Variants in WTIP observed in about 807,000 individuals in gnomAD.
The protein encoded by WTIP is Wilms tumor protein 1-interacting protein.
Under a neutral mutation model 41.7 loss-of-function variants are expected in WTIP, and 23 were observed. That is an observed-to-expected ratio of 0.55 (90% CI 0.40 to 0.78). WTIP has a LOEUF of 0.78. Among genes scored for constraint, WTIP ranks in the 30% least tolerant of loss-of-function variants. The pLI, the probability that WTIP is intolerant of heterozygous loss-of-function variation, is 0.00. For missense variants in WTIP, 619 were observed against 610.5 expected, an observed-to-expected ratio of 1.01 and a Z score of -0.15; for synonymous variants, 314 against 269.9, an observed-to-expected ratio of 1.16 and a Z score of -1.60.
rs1381754568 is a variant in WTIP, at chr19:34,510,642, A to T, written c.*10373A>T. The T allele has an allele frequency of 2.0e-5, 3 of 152,196 alleles. No homozygotes were observed. The highest frequency in any genetic ancestry group is 7.2e-5 in the African/African-American group (3 of 41,446). 9.4% of individuals were successfully genotyped at this position (152,196 alleles called of 1,614,324 possible). A position where few individuals can be genotyped will look rare whatever the true frequency, so the allele number is the denominator to read the frequency against. On this transcript the variant is annotated 3_prime_UTR_variant, in exon 8 of 8. Transcript: ENST00000590071. ...AAAAAAATGGGTGTTTCTTTACTGC[A>T]TCGTCAGGCTGCAAATTTTCCAATT... is the stretch of plus-strand genomic sequence containing the variant.
intron 6 of WTIP, 25 bp downstream of exon 6, chr19:34,494,662 A>T (rs751303380): frequency 1.1e-5 from 18 of 1,610,290 alleles, no homozygotes; most frequent in Middle Eastern, 1.7e-4. Context: ...CCCAGAGATG[A>T]TCAGGTGCCT....
chr19:34,485,060 T>C (rs1016330250), intron 1 of WTIP, among the ~76,000 whole-genome samples: 4 of 151,956 alleles, frequency 2.6e-5, no homozygotes, highest in Non-Finnish European at 5.9e-5. Context: ...GATTCAGTAA[T>C]ACTTTCCTGA....
chr19:34,504,407 G>T lies in WTIP; in HGVS notation c.*4138G>T, dbSNP rs1341146162. 5.3e-5 allele frequency: 8 copies of T among 151,600 alleles called. No individual in the cohort carries two copies. Among genetic ancestry groups the T allele is most frequent in the Non-Finnish European group, 2.9e-5 (2 of 68,352 alleles). 9.4% of individuals were successfully genotyped at this position (151,600 alleles called of 1,614,324 possible). Reference sequence around the variant, plus strand: ...GGGGTGTAATTGTGTGTTTGTTTGTGTGTGTGTGTGTGTGTCTGTGTGTGT... The same window carrying T: ...GGGGTGTAATTGTGTGTTTGTTTGTTTGTGTGTGTGTGTGTCTGTGTGTGT... On this transcript the variant is annotated 3_prime_UTR_variant, in exon 8 of 8. Transcript: ENST00000590071.
rs568704562 is a variant in WTIP at position 34,486,568 on chromosome 19, T to C, written c.668-3808T>C. Among the ~76,000 whole-genome samples the C allele has an allele frequency of 2.2e-4, 33 of 152,208 alleles. No individual in the cohort carries two copies. The East Asian group carries it at 2.9e-3, about 13-fold the overall frequency. ...ATTTTTGGTAGAGACAGGGTTTCAC[T>C]GTGTTAACCAGGATGGTCTCATCTC... On this transcript the variant is annotated intron_variant, in intron 1 of 7. Coordinates refer to ENST00000590071, the MANE Select transcript of WTIP (RefSeq NM_001080436.2).
rs1387832464 is a variant in WTIP at position 34,507,027 on chromosome 19, A to G, written c.*6758A>G. The G allele has an allele frequency of 1.3e-5, 2 of 151,880 alleles. No individual in the cohort carries two copies. The highest frequency in any genetic ancestry group is 2.9e-5 in the Non-Finnish European group (2 of 67,988). The allele number at this position is 151,880 out of a possible 1,614,324, so 9.4% of individuals were successfully genotyped here. A position where few individuals can be genotyped will look rare whatever the true frequency, so the allele number is the denominator to read the frequency against. On this transcript the variant is annotated 3_prime_UTR_variant, in exon 8 of 8. Transcript: ENST00000590071. ...ACCTGAGGTCGGGAGTTTGAGACCA[A>G]CCTGACCAATATGGAGAAACCCTGT...
rs550973711 is a variant in WTIP, at chr19:34,482,697, G to A, written c.667+56G>A. ...GCGCATGGCTGGGGTCCGGGGTTCC[G>A]AGACTGCCTCGGGTAGGCGGCCGGA... On this transcript the variant is annotated intron_variant, in intron 1 of 7. Transcript: ENST00000590071. 156 of 1,217,110 alleles carry A rather than the reference G, an allele frequency of 1.3e-4. 2 individuals carry two copies. The Middle Eastern group carries it at 2.9e-3, about 22-fold the overall frequency. The allele number at this position is 1,217,110 out of a possible 1,614,324, so 75.4% of individuals were successfully genotyped here.
rs1419942896 is a variant in WTIP, at chr19:34,490,483, TA to T, written c.769+8del. On this transcript the variant is annotated splice_region_variant and intron_variant, in intron 2 of 7. Coordinates refer to ENST00000590071, the MANE Select transcript of WTIP (RefSeq NM_001080436.2). ...CTTCACCTGCGACTCGTGTGGTAGGTAACCTCGTGCCCTGGGTAGCTCTGTG... is the reference window on the plus strand; with the variant it reads ...CTTCACCTGCGACTCGTGTGGTAGGTACCTCGTGCCCTGGGTAGCTCTGTG... The T allele has an allele frequency of 1.2e-6, 2 of 1,613,590 alleles. No individual in the cohort carries two copies. The highest frequency in any genetic ancestry group is 2.7e-5 in the African/African-American group (2 of 74,920).
At chr19:34,487,546 A>G (rs1402722736) in intron 1 of WTIP, among the ~76,000 whole-genome samples, 1 of 151,756 alleles carries the variant, frequency 6.6e-6, no homozygotes, top group African/African-American at 2.4e-5. Context: ...GCTGCATCCT[A>G]GAAACCAGAG....
At chr19:34,497,007 C>T (rs1307775377) in intron 7 of WTIP, among the ~76,000 whole-genome samples, 1 of 152,166 alleles carries the variant, frequency 6.6e-6, no homozygotes, top group Admixed American at 6.5e-5. Context: ...GGACTACAGG[C>T]ACCCACCACC....
At chr19:34,486,656 G>A (rs35837907) in intron 1 of WTIP, among the ~76,000 whole-genome samples, 235 of 151,644 alleles carry the variant, frequency 1.5e-3, no homozygotes, top group Admixed American at 2.6e-3. Context: ...GTGAGCCACC[G>A]CGCCTGGCCG....
chr19:34,482,741 G>T (rs928403573), intron 1 of WTIP, 100 bp downstream of exon 1: 20 of 1,200,766 alleles, frequency 1.7e-5, no homozygotes, highest in Non-Finnish European at 2.1e-5. Flanking sequence ...GGAGAGCACG[G>T]GGCTGGCTGG....
At chr19:34,482,827 T>C in intron 1 of WTIP, 186 bp downstream of exon 1, 1 of 973,576 alleles carries the variant, frequency 1.0e-6, no homozygotes, top group Non-Finnish European at 1.2e-6. Flanking sequence ...GGTGAGTGAG[T>C]GCGCCTGGAT....
chr19:34,492,315 A>C (rs369425090), intron 2 of WTIP, among the ~76,000 whole-genome samples: 1 of 147,134 alleles, frequency 6.8e-6, no homozygotes, highest in Admixed American at 6.8e-5. Flanking sequence ...GGGTCTTGCT[A>C]TGTTGCCCAG....
At position 34,508,369 on chromosome 19, in the gene WTIP, C is replaced by T. The variant is rs562556716; in HGVS notation, c.*8100C>T. ...GGATTATAGGTGTGAGCCACTGCAC[C>T]TGGCCTGTGAGGTGGGAAGTTTCAA... On this transcript the variant is annotated 3_prime_UTR_variant, in exon 8 of 8. Transcript: ENST00000590071. 6.6e-6 allele frequency: 1 copy of T among 152,206 alleles called. No individual in the cohort carries two copies. The highest frequency in any genetic ancestry group is 2.1e-4 in the South Asian group (1 of 4,814). 9.4% of individuals were successfully genotyped at this position (152,206 alleles called of 1,614,324 possible).
Position 34,482,218 on chromosome 19 carries a change from AGCGCGCAGCCT to A in WTIP, c.248_258del (p.Ala83GlyfsTer72). On this transcript the variant is annotated frameshift_variant, in exon 1 of 8. Transcript: ENST00000590071. LOFTEE classifies it high-confidence loss of function. ...CCGGCGCGCGGCGGTTCCGGAGCTC[AGCGCGCAGCCT>A]GCGGGCAGCCCACGGGCCAGCCTGG... The A allele has an allele frequency of 5.2e-6, 6 of 1,149,862 alleles. No individual in the cohort carries two copies. The highest frequency in any genetic ancestry group is 6.4e-6 in the Non-Finnish European group (6 of 939,358). The allele number at this position is 1,149,862 out of a possible 1,614,324, so 71.2% of individuals were successfully genotyped here.
intron 1 of WTIP, among the ~76,000 whole-genome samples, chr19:34,490,132 T>G (rs2075818229): frequency 6.6e-6 from 1 of 152,204 alleles, no homozygotes; most frequent in African/African-American, 2.4e-5. Context: ...CAGCTTTGAT[T>G]AGCTCCGACT....
At chr19:34,496,922 G>A (rs550335683) in intron 7 of WTIP, among the ~76,000 whole-genome samples, 2 of 152,224 alleles carry the variant, frequency 1.3e-5, no homozygotes, top group East Asian at 1.9e-4. Context: ...CAGTGCAGTG[G>A]CACTATCTCA....
rs1206683937 is a variant in WTIP at position 34,510,665 on chromosome 19, A to AT, written c.*10402dup. The AT allele has an allele frequency of 2.6e-5, 4 of 152,136 alleles. No homozygotes were observed. Among genetic ancestry groups the AT allele is most frequent in the Admixed American group, 1.3e-4 (2 of 15,262 alleles). 9.4% of individuals were successfully genotyped at this position (152,136 alleles called of 1,614,324 possible). ...GCATCGTCAGGCTGCAAATTTTCCAATTTTTTATGCTCTGTTTCCCTTTTA... is the reference window on the plus strand; with the variant it reads ...GCATCGTCAGGCTGCAAATTTTCCAATTTTTTTATGCTCTGTTTCCCTTTTA... On this transcript the variant is annotated 3_prime_UTR_variant, in exon 8 of 8. Coordinates refer to ENST00000590071, the MANE Select transcript of WTIP (RefSeq NM_001080436.2).
At chr19:34,492,983 T>C (rs2075833201) in intron 2 of WTIP, 54 bp from the exon 3 acceptor site, 2 of 1,593,356 alleles carry the variant, frequency 1.3e-6, no homozygotes, top group Non-Finnish European at 1.7e-6. Context: ...GAAGCACGGC[T>C]CCATCCCTGG....
Sources: allele counts gnomAD v4.1 joint callset (sites outside exome capture counted in the v4.1 genomes callset), GRCh38; gene constraint gnomAD v4.1.1; transcripts MANE v1.5; gene names NCBI Gene and HGNC (gene_info 2026-07-23, HGNC 2026-07-21).